MTRR: variants seen among roughly 807,000 people sequenced by gnomAD.
MTRR encodes 5-methyltetrahydrofolate-homocysteine methyltransferase reductase, also known as methionine synthase reductase.
In MTRR, 63 loss-of-function variants were observed where a neutral mutation model predicts 79.2. The ratio of observed to expected loss-of-function variants is 0.80; its 90% CI spans 0.65 to 0.98. MTRR has a LOEUF of 0.98. Among genes scored for constraint, MTRR ranks in the 50% least tolerant of loss-of-function variants. The pLI is 0.00. For missense variants in MTRR, 895 were observed against 839.6 expected, an observed-to-expected ratio of 1.07 and a Z score of -0.82; for synonymous variants, 355 against 313.3, an observed-to-expected ratio of 1.13 and a Z score of -1.41.
intron 2 of MTRR, 136 bp downstream of exon 2, chr5:7,871,059 G>A (rs1388432684): frequency 3.8e-6 from 4 of 1,047,816 alleles, no homozygotes; most frequent in Non-Finnish European, 5.9e-6. Flanking sequence ...TTGTTCAATG[G>A]TATAGTAAGA....
intron 2 of MTRR, among the ~76,000 whole-genome samples, chr5:7,862,313 T>C (rs900364103): frequency 6.6e-6 from 1 of 152,166 alleles, no homozygotes; most frequent in African/African-American, 2.4e-5. Flanking sequence ...GAAATCTTTA[T>C]AATGGTGCTG....
chr5:7,888,197 A>C, intron 8 of MTRR, among the ~76,000 whole-genome samples: 1 of 152,134 alleles, frequency 6.6e-6, no homozygotes, highest in Non-Finnish European at 1.5e-5. Context: ...AATTCCTTGG[A>C]GTAGAATTGC....
chr5:7,869,366 C>T (rs1366254466), intron 1 of MTRR, 151 bp downstream of exon 1: 3 of 816,716 alleles, frequency 3.7e-6, no homozygotes, highest in Non-Finnish European at 5.8e-6. Context: ...CGGGCGCGGG[C>T]TGGGGCTCGG....
chr5:7,895,855 A>T lies in MTRR; in HGVS notation c.1676+3A>T. 1.9e-6 allele frequency: 3 copies of T among 1,614,000 alleles called. No individual in the cohort carries two copies. Among genetic ancestry groups the T allele is most frequent in the Non-Finnish European group, 2.5e-6 (3 of 1,179,930 alleles). On this transcript the variant is annotated splice_donor_region_variant and intron_variant, in intron 12 of 14. Transcript: ENST00000440940. ...TTTATTGGGTTCCTACAACATAGGT[A>T]TGTTCTTTTTTTGGCTAATGGGAAA... is the stretch of plus-strand genomic sequence containing the variant.
rs1251352899 is a variant in MTRR, at chr5:7,900,038, C to T, written c.2077C>T (p.Leu693Phe). Residue 693 changes from leucine to phenylalanine, a missense_variant, in exon 15 of 15, where the codon CTT (leucine) becomes TTT (phenylalanine). By Grantham distance (22) the Leu-to-Phe change is conservative. Transcript: ENST00000440940. ...LATLKEEKRY[L>F]QDIWS ...CACTTTAAAAGAAGAAAAACGCTACCTTCAGGATATTTGGTCATAAAACCA... is the reference window on the plus strand; with the variant it reads ...CACTTTAAAAGAAGAAAAACGCTACTTTCAGGATATTTGGTCATAAAACCA... The T allele has an allele frequency of 1.2e-6, 2 of 1,613,602 alleles. No homozygotes were observed. The highest frequency in any genetic ancestry group is 2.7e-5 in the African/African-American group (2 of 74,846).
chr5:7,886,018 G>C lies in MTRR; in HGVS notation c.1057+164G>C, dbSNP rs162038. On this transcript the variant is annotated intron_variant, in intron 7 of 14. Transcript: ENST00000440940. ...GGAACACAGGCATACGCTGGTATTGGTAGTTTCTTAACTTTCATGTTAATT... is the reference window on the plus strand; with the variant it reads ...GGAACACAGGCATACGCTGGTATTGCTAGTTTCTTAACTTTCATGTTAATT... 0.84 allele frequency among the ~76,000 whole-genome samples: 128,359 copies of C among 152,202 alleles called. 54,356 individuals are homozygous for C. Among genetic ancestry groups the C allele is most frequent in the African/African-American group, 0.9 (37,356 of 41,530 alleles).
At chr5:7,892,420 T>A (rs1737757645) in intron 10 of MTRR, among the ~76,000 whole-genome samples, 1 of 152,248 alleles carries the variant, frequency 6.6e-6, no homozygotes, top group African/African-American at 2.4e-5. Flanking sequence ...ATCTTTATAA[T>A]AAATATTGAG....
upstream of MTRR, chr5:7,851,152 G>C (rs1746069605): frequency 8.8e-7 from 1 of 1,134,832 alleles, no homozygotes; most frequent in African/African-American, 1.6e-5. Flanking sequence ...TCGTTGCCTG[G>C]AAACCGCCGC....
chr5:7,873,339 G>T (rs1748324257), intron 2 of MTRR, 34 bp from the exon 3 acceptor site: 1 of 1,613,256 alleles, frequency 6.2e-7, no homozygotes, highest in Non-Finnish European at 8.5e-7. Flanking sequence ...TGCATGTAGT[G>T]TTAGGTCCCT....
chr5:7,863,193 A>T, intron 2 of MTRR: 1 of 571,024 alleles, frequency 1.8e-6, no homozygotes. Flanking sequence ...CTAATAGTTC[A>T]AAATGTCTTT....
intron 4 of MTRR, among the ~76,000 whole-genome samples, chr5:7,877,150 C>T (rs942871617): frequency 2.6e-5 from 4 of 152,150 alleles, no homozygotes; most frequent in African/African-American, 9.7e-5. Context: ...AATTGATCCT[C>T]CTTTGAGCTG....
At chr5:7,880,085 A>G (rs1299525222) in intron 5 of MTRR, among the ~76,000 whole-genome samples, 1 of 152,236 alleles carries the variant, frequency 6.6e-6, no homozygotes, top group Non-Finnish European at 1.5e-5. Context: ...ACGTGCACCA[A>G]ACTGTTAGAA....
chr5:7,880,182 G>A (rs368766486), intron 5 of MTRR, among the ~76,000 whole-genome samples: 5 of 152,330 alleles, frequency 3.3e-5, no homozygotes, highest in African/African-American at 1.2e-4. Flanking sequence ...GCTACTCCTC[G>A]TTGCTCATTC....
Position 7,901,030 on chromosome 5 carries a change from T to TTTTA in MTRR, c.*976_*979dup, listed in dbSNP as rs1179203643. 6.6e-6 allele frequency: 1 copy of TTTTA among 152,180 alleles called. No individual in the cohort carries two copies. Among genetic ancestry groups the TTTTA allele is most frequent in the African/African-American group, 2.4e-5 (1 of 41,440 alleles). 9.4% of individuals were successfully genotyped at this position (152,180 alleles called of 1,614,324 possible). On this transcript the variant is annotated 3_prime_UTR_variant, in exon 15 of 15. Transcript: ENST00000440940. ...TCCACTGTTCTAATATATATTGTAT[T>TTTTA]TTTATTTGATAGCTTGGGATTTAAA...
At chr5:7,877,378 A>G (rs3797191) in intron 4 of MTRR, among the ~76,000 whole-genome samples, 39,489 of 151,896 alleles carry the variant, frequency 0.26, 5,617 homozygotes, top group Non-Finnish European at 0.32. Flanking sequence ...TTTTACTAAA[A>G]TAAAAAAATA....
intron 6 of MTRR, among the ~76,000 whole-genome samples, chr5:7,884,334 C>T (rs1448381259): frequency 1.3e-5 from 2 of 152,154 alleles, no homozygotes; most frequent in African/African-American, 4.8e-5. Context: ...GGACCCCTTT[C>T]AGATACCCAA....
At chr5:7,886,567 T>A in intron 7 of MTRR, 48 bp from the exon 8 acceptor site, 1 of 1,381,620 alleles carries the variant, frequency 7.2e-7, no homozygotes, top group Non-Finnish European at 1.0e-6. Context: ...AACATTTTAT[T>A]CTTCATCTTC....
chr5:7,867,094 A>T (rs1390194622), upstream of MTRR: 12 of 1,614,094 alleles, frequency 7.4e-6, no homozygotes, highest in African/African-American at 1.6e-4. Context: ...GCTCCTCGTT[A>T]GTGAAATGTG....
At chr5:7,857,204 A>G (rs376625815) in intron 1 of MTRR, among the ~76,000 whole-genome samples, 4 of 152,350 alleles carry the variant, frequency 2.6e-5, no homozygotes, top group East Asian at 3.9e-4. Context: ...AATTATTAAA[A>G]ATATTATCAA....
Sources: gnomAD v4.1 joint callset for allele counts (sites outside exome capture counted in the v4.1 genomes callset) on GRCh38, gnomAD v4.1.1 for gene constraint, MANE v1.5 for transcripts, NCBI Gene and HGNC (gene_info 2026-07-23, HGNC 2026-07-21) for gene names.